The following PBX1 variants were observed in gnomAD, a reference collection of about 807,000 sequenced individuals.
PBX1 encodes the protein PBX homeobox 1.
Under a neutral mutation model 53.4 loss-of-function variants are expected in PBX1, and 6 were observed. That is an observed-to-expected ratio of 0.11 (90% CI 0.06 to 0.22). The LOEUF is 0.22. PBX1 is among the 10% of genes least tolerant of loss of function. The pLI is 1.00. For synonymous variants in PBX1, 204 were observed against 212.3 expected, an observed-to-expected ratio of 0.96 and a Z score of 0.34; for missense variants, 251 against 551.4, an observed-to-expected ratio of 0.46 and a Z score of 5.46.
At chr1:164,738,880 G>A (rs565995140) in intron 2 of PBX1, among the ~76,000 whole-genome samples, 17 of 152,102 alleles carry the variant, frequency 1.1e-4, no homozygotes, top group South Asian at 6.2e-4. Flanking sequence ...ATCCTACTTG[G>A]GCCACACCTT....
chr1:164,756,583 C>T (rs181066949), intron 2 of PBX1, among the ~76,000 whole-genome samples: 1 of 152,260 alleles, frequency 6.6e-6, no homozygotes, highest in African/African-American at 2.4e-5. Flanking sequence ...AAAGGCATCA[C>T]ATAAATTTTG....
Position 164,847,933 on chromosome 1 carries a change from G to T in PBX1, c.*1257G>T. 1.9e-6 allele frequency: 2 copies of T among 1,053,372 alleles called. No individual in the cohort carries two copies. Among genetic ancestry groups the T allele is most frequent in the South Asian group, 4.6e-5 (1 of 21,872 alleles). The allele number at this position is 1,053,372 out of a possible 1,614,324, so 65.3% of individuals were successfully genotyped here. A position where few individuals can be genotyped will look rare whatever the true frequency, so the allele number is the denominator to read the frequency against. Reference sequence around the variant, plus strand: ...TGGAGCACTCAGGGAGCCCCATACAGTACTTACAATGTCTTTAATGGACTT... The same window carrying T: ...TGGAGCACTCAGGGAGCCCCATACATTACTTACAATGTCTTTAATGGACTT... On this transcript the variant is annotated 3_prime_UTR_variant, in exon 9 of 9. Transcript: ENST00000420696.
At chr1:164,761,350 A>C (rs991595614) in intron 2 of PBX1, among the ~76,000 whole-genome samples, 1 of 152,258 alleles carries the variant, frequency 6.6e-6, no homozygotes, top group African/African-American at 2.4e-5. Flanking sequence ...TGTGTGGAGG[A>C]GGGTGTGTGT....
At chr1:164,560,047 GT>G in intron 1 of PBX1, 34 bp downstream of exon 1, 2 of 1,314,492 alleles carry the variant, frequency 1.5e-6, no homozygotes, top group Non-Finnish European at 2.0e-6. Flanking sequence ...CTTTCTTGGG[GT>G]TTTTTGTTTT....
intron 2 of PBX1, among the ~76,000 whole-genome samples, chr1:164,694,665 A>G (rs1163182653): frequency 1.3e-5 from 2 of 152,180 alleles, no homozygotes; most frequent in Non-Finnish European, 2.9e-5. Flanking sequence ...TATCTGCCCA[A>G]TCTAGAAACC....
intron 2 of PBX1, among the ~76,000 whole-genome samples, chr1:164,616,405 G>A (rs1443059461): frequency 6.6e-6 from 1 of 152,132 alleles, no homozygotes. Context: ...TTGTGTTGGT[G>A]GGAAACACTG....
rs994032269 is a variant in PBX1, at chr1:164,700,389, G to A, written c.266-92105G>A. ...GCCAAGGAAGGCACATCAAGGGAGC[G>A]TGAGGTTCTGTTATTTCTCCATTGG... On this transcript the variant is annotated intron_variant, in intron 2 of 8. Transcript: ENST00000420696. The A allele has an allele frequency of 7.8e-6, 7 of 896,412 alleles. No individual in the cohort carries two copies. The African/African-American group carries it at 9.0e-5, about 12-fold the overall frequency. 55.5% of individuals were successfully genotyped at this position (896,412 alleles called of 1,614,324 possible).
chr1:164,609,937 G>A (rs1414787450), intron 2 of PBX1, among the ~76,000 whole-genome samples: 1 of 152,132 alleles, frequency 6.6e-6, no homozygotes, highest in African/African-American at 2.4e-5. Flanking sequence ...CCCCATGACT[G>A]GGGGGTGTCT....
chr1:164,790,935 G>A (rs1011004811), intron 2 of PBX1, among the ~76,000 whole-genome samples: 35 of 151,908 alleles, frequency 2.3e-4, no homozygotes, highest in Non-Finnish European at 7.4e-5. Flanking sequence ...CTGTCCCCCT[G>A]GGGCTCACCA....
chr1:164,841,193 C>G (rs1468463066), intron 8 of PBX1, among the ~76,000 whole-genome samples: 1 of 152,096 alleles, frequency 6.6e-6, no homozygotes, highest in East Asian at 1.9e-4. Flanking sequence ...GGCCAGGGGA[C>G]AGATGGATGT....
chr1:164,690,492 G>A lies in PBX1; in HGVS notation c.266-102002G>A, dbSNP rs187073139. Among the ~76,000 whole-genome samples, 459 of 152,094 alleles carry A rather than the reference G, an allele frequency of 3.0e-3. 2 individuals carry two copies. The highest frequency in any genetic ancestry group is 3.4e-3 in the Non-Finnish European group (231 of 67,990). On this transcript the variant is annotated intron_variant, in intron 2 of 8. Transcript: ENST00000420696. Reference sequence around the variant, plus strand: ...TTTATTTAAAAAGAATACATTGTTCGGGCGCAGTGGCTCATGTCTGTAATC... The same window carrying A: ...TTTATTTAAAAAGAATACATTGTTCAGGCGCAGTGGCTCATGTCTGTAATC...
chr1:164,667,197 T>G (rs937575741), intron 2 of PBX1, among the ~76,000 whole-genome samples: 1 of 152,168 alleles, frequency 6.6e-6, no homozygotes, highest in Non-Finnish European at 1.5e-5. Flanking sequence ...CCTTCCCTTT[T>G]TCTTACTGAT....
At chr1:164,854,744 A>G (rs1171233376), downstream of PBX1, among the ~76,000 whole-genome samples, 1 of 152,114 alleles carries the variant, frequency 6.6e-6, no homozygotes, top group Non-Finnish European at 1.5e-5. Flanking sequence ...CATTCTTTGG[A>G]GAATCATTGT....
At position 164,807,731 on chromosome 1, in the gene PBX1, G is replaced by A. The variant is rs193197717; in HGVS notation, c.837+54G>A. ...GTAGCCTGGCCATGGCGGGGCCTCC[G>A]GGGCAGGCTCTTAGAGGTCTTGCTT... On this transcript the variant is annotated intron_variant, in intron 5 of 8. Transcript: ENST00000420696. 7.6e-4 allele frequency: 1,210 copies of A among 1,598,468 alleles called. 8 individuals carry two copies. The African/African-American group carries it at 0.013, about 17-fold the overall frequency.
At chr1:164,764,315 A>G (rs1666949626) in intron 2 of PBX1, among the ~76,000 whole-genome samples, 1 of 152,254 alleles carries the variant, frequency 6.6e-6, no homozygotes, top group African/African-American at 2.4e-5. Flanking sequence ...AGATGAAAAT[A>G]GAGCACTTAT....
chr1:164,796,008 C>T (rs1006938253), intron 3 of PBX1, among the ~76,000 whole-genome samples: 5 of 148,966 alleles, frequency 3.4e-5, no homozygotes, highest in African/African-American at 9.9e-5. Context: ...AGAAAGAAGT[C>T]TTTTGAAGAC....
intron 2 of PBX1, among the ~76,000 whole-genome samples, chr1:164,647,152 A>G (rs1480888910): frequency 1.3e-5 from 2 of 152,220 alleles, no homozygotes; most frequent in Non-Finnish European, 2.9e-5. Context: ...GAATAGACCA[A>G]TGCCTAGTAT....
chr1:164,655,114 T>TTA (rs1345758028), intron 2 of PBX1, among the ~76,000 whole-genome samples: 13 of 146,884 alleles, frequency 8.9e-5, no homozygotes, highest in East Asian at 8.0e-4. Flanking sequence ...TTTTTTTTTT[T>TTA]TTATTTTTAT....
At chr1:164,604,197 T>A (rs1656397356) in intron 2 of PBX1, among the ~76,000 whole-genome samples, 1 of 152,148 alleles carries the variant, frequency 6.6e-6, no homozygotes, top group African/African-American at 2.4e-5. Context: ...TGCCTCAGCT[T>A]CCCAAAGTGC....
Sources: gnomAD v4.1 joint callset for allele counts (sites outside exome capture counted in the v4.1 genomes callset) on GRCh38, gnomAD v4.1.1 for gene constraint, MANE v1.5 for transcripts, NCBI Gene and HGNC (gene_info 2026-07-23, HGNC 2026-07-21) for gene names.